Variants in HCN3 observed in about 807,000 individuals in gnomAD.
The protein encoded by HCN3 is potassium/sodium hyperpolarization-activated cyclic nucleotide-gated channel 3.
In HCN3, 36 loss-of-function variants were observed where a neutral mutation model predicts 56.8. The ratio of observed to expected loss-of-function variants is 0.63; its 90% CI spans 0.49 to 0.84. The LOEUF (loss-of-function observed/expected upper bound fraction) is 0.84. Among genes scored for constraint, HCN3 ranks in the 40% least tolerant of loss-of-function variants. The pLI is 0.00. For missense variants in HCN3, 930 were observed against 1,079.3 expected (o/e 0.86, Z 1.94); for synonymous variants, 425 against 439.7 (o/e 0.97, Z 0.42).
chr1:155,283,071 G>T (rs1282091771), intron 2 of HCN3, among the ~76,000 whole-genome samples: 1 of 152,146 alleles, frequency 6.6e-6, no homozygotes, highest in Non-Finnish European at 1.5e-5. Context: ...GAAGATGGTG[G>T]CACAGGAGGG....
At chr1:155,279,874 A>T (rs1404421169) in intron 1 of HCN3, among the ~76,000 whole-genome samples, 2 of 152,058 alleles carry the variant, frequency 1.3e-5, no homozygotes, top group African/African-American at 2.4e-5. Context: ...AGCAATGGTG[A>T]GGTAAATGAT....
At position 155,277,505 on chromosome 1, in the gene HCN3, C is replaced by T; in HGVS notation, c.-86C>T. 7.0e-7 allele frequency: 1 copy of T among 1,429,462 alleles called. No individual in the cohort carries two copies. Among genetic ancestry groups the T allele is most frequent in the South Asian group, 1.4e-5 (1 of 70,824 alleles). The allele number at this position is 1,429,462 out of a possible 1,614,324, so 88.5% of individuals were successfully genotyped here. On this transcript the variant is annotated 5_prime_UTR_variant, in exon 1 of 8. Coordinates refer to ENST00000368358, the MANE Select transcript of HCN3 (RefSeq NM_020897.3). ...GCCTCCGCTAGAGCCCGCGGGGCTG[C>T]GCCGACTCCTGCTCTGGAGGGGTTG... is the stretch of plus-strand genomic sequence containing the variant.
Position 155,285,425 on chromosome 1 carries a change from C to A in HCN3, c.1236+114C>A. The A allele has an allele frequency of 2.9e-6, 4 of 1,385,110 alleles. No homozygotes were observed. The South Asian group carries it at 5.7e-5, about 20-fold the overall frequency. 85.8% of individuals were successfully genotyped at this position (1,385,110 alleles called of 1,614,324 possible). On this transcript the variant is annotated intron_variant, in intron 5 of 7. Transcript: ENST00000368358. This position sits in a 1 kb window ranked among gnomAD's most constrained non-coding sequence, Gnocchi z 4.5. ...ATAGGGAATGAGGCCTGCAGAGGGC[C>A]CCGTGGGAGGCCAGGTATTTGGGCT...
Position 155,282,563 on chromosome 1 carries a change from A to G in HCN3, c.431A>G (p.Asn144Ser), listed in dbSNP as rs1172005432. The change falls in exon 2 of 8, where the codon AAC becomes AGC. Residue 144 changes from asparagine to serine, a missense_variant. Asn to Ser is a conservative substitution (Grantham distance 46, BLOSUM62 1). Transcript: ENST00000368358. The surrounding 1 kb of genome is among the most constrained non-coding windows in gnomAD (Gnocchi z 4.7). Reference sequence around the variant, plus strand: ...TTCTTCCTACTGGATCTGGTGCTCAACTTCCGAACGGGCATCGTGGTGGAG... The same window carrying G: ...TTCTTCCTACTGGATCTGGTGCTCAGCTTCCGAACGGGCATCGTGGTGGAG... ...DTFFLLDLVL[N>S]FRTGIVVEEG... 3 of 1,614,228 alleles carry G rather than the reference A, an allele frequency of 1.9e-6. No individual in the cohort carries two copies. Among genetic ancestry groups the G allele is most frequent in the Admixed American group, 1.7e-5 (1 of 60,028 alleles).
At position 155,285,929 on chromosome 1, in the gene HCN3, G is replaced by A. The variant is rs765213576; in HGVS notation, c.1442G>A (p.Arg481Gln). The stretch of plus-strand genomic sequence containing the variant: ...CTCAGTGTGCTGGCCCGCGGCGCCC[G>A]GGACACACGCCTCACCGATGGATCC... The part of the protein sequence containing the change: ...GLLSVLARGA[R>Q]DTRLTDGSYF... The change falls in exon 6 of 8, where the codon CGG becomes CAG. Residue 481 changes from arginine to glutamine, a missense_variant. Coordinates refer to ENST00000368358, the MANE Select transcript of HCN3 (RefSeq NM_020897.3). The surrounding 1 kb of genome is among the most constrained non-coding windows in gnomAD (Gnocchi z 4.5). 54 of 1,603,872 alleles carry A rather than the reference G, an allele frequency of 3.4e-5. No individual in the cohort carries two copies. In the Admixed American group the frequency reaches 5.5e-4, roughly 16 times the overall value.
In HCN3 at chr1:155,288,225, C is replaced by T; in HGVS notation, c.2087C>T (p.Pro696Leu). The T allele has an allele frequency of 6.3e-7, 1 of 1,579,750 alleles. No homozygotes were observed. The change falls in exon 8 of 8, where the codon CCC becomes CTC. Residue 696 changes from proline to leucine, a missense_variant. Pro to Leu is a moderately conservative substitution (Grantham distance 98, BLOSUM62 -3). Transcript: ENST00000368358. The surrounding 1 kb of genome is among the most constrained non-coding windows in gnomAD (Gnocchi z 6.5). ...AGRSQVSLLG[P>L]PPGGGGRRLG... ...CGCTCCCAGGTCTCCCTGCTGGGTC[C>T]CCCTCCAGGAGGAGGTGGACGGCGG...
rs1263088276 is a variant in HCN3 at position 155,282,468 on chromosome 1, T to C, written c.336T>C (p.Pro112=). 1 of 1,614,260 alleles carries C rather than the reference T, an allele frequency of 6.2e-7. No individual in the cohort carries two copies. Among genetic ancestry groups the C allele is most frequent in the Non-Finnish European group, 8.5e-7 (1 of 1,180,050 alleles). The part of the protein sequence containing the change: ...LLMVGNLIVL[P]VGITFFKEEN... ...TGGTGGGGAACCTCATCGTCCTGCC[T>C]GTGGGCATCACCTTCTTCAAGGAGG... Residue 112 remains proline, a synonymous_variant, in exon 2 of 8, where the codon CCT becomes CCC. Transcript: ENST00000368358. This position sits in a 1 kb window ranked among gnomAD's most constrained non-coding sequence, Gnocchi z 4.7.
chr1:155,284,491 G>T lies in HCN3; in HGVS notation c.871-48G>T. 6.5e-7 allele frequency: 1 copy of T among 1,549,992 alleles called. No individual in the cohort carries two copies. On this transcript the variant is annotated intron_variant, in intron 3 of 7. Coordinates refer to ENST00000368358, the MANE Select transcript of HCN3 (RefSeq NM_020897.3). The surrounding 1 kb of genome is among the most constrained non-coding windows in gnomAD (Gnocchi z 4.3). ...AGGAAAAGGGGCAGGCAGAGAATGA[G>T]GCTCCGAGGGGCCCATGCCCAGCTC...
In HCN3 at chr1:155,285,880, A is replaced by T. The variant is rs1245611700; in HGVS notation, c.1393A>T (p.Met465Leu). ...VVREGSVGRK[M>L]YFIQHGLLSV... ...GCGTGAGGGCTCCGTGGGGAGGAAG[A>T]TGTACTTCATCCAGCATGGGCTGCT... The change falls in exon 6 of 8, where the codon ATG becomes TTG. Residue 465 changes from methionine to leucine, a missense_variant. By Grantham distance (15) the Met-to-Leu change is conservative. Coordinates refer to ENST00000368358, the MANE Select transcript of HCN3 (RefSeq NM_020897.3). The surrounding 1 kb of genome is among the most constrained non-coding windows in gnomAD (Gnocchi z 4.5). 1 of 1,614,074 alleles carries T rather than the reference A, an allele frequency of 6.2e-7. No individual in the cohort carries two copies. Among genetic ancestry groups the T allele is most frequent in the Admixed American group, 1.7e-5 (1 of 60,014 alleles).
chr1:155,281,839 C>T (rs773851357), intron 1 of HCN3, among the ~76,000 whole-genome samples: 12 of 152,228 alleles, frequency 7.9e-5, no homozygotes, highest in Non-Finnish European at 1.6e-4. Context: ...CTGGAGTACA[C>T]CTCAGCCTCC....
chr1:155,287,393 C>A, intron 7 of HCN3, 56 bp downstream of exon 7: 1 of 1,596,718 alleles, frequency 6.3e-7, no homozygotes, highest in Non-Finnish European at 8.6e-7. Flanking sequence ...CACCCCACCT[C>A]CAAAGCAAGG....
Position 155,287,302 on chromosome 1 carries a change from T to A in HCN3, c.1607T>A (p.Phe536Tyr). 1 of 1,614,002 alleles carries A rather than the reference T, an allele frequency of 6.2e-7. No homozygotes were observed. Among genetic ancestry groups the A allele is most frequent in the Non-Finnish European group, 8.5e-7 (1 of 1,179,928 alleles). Residue 536 changes from phenylalanine (F) to tyrosine (Y), a missense_variant, in exon 7 of 8, where the codon TTT becomes TAT. Transcript: ENST00000368358. The part of the protein sequence containing the change: ...LEEFPMMRRA[F>Y]ETVAMDRLLR... ...GAGTTCCCCATGATGCGCCGGGCCT[T>A]TGAGACTGTGGCCATGGATCGGCTG...
At chr1:155,281,607 G>A (rs760265555) in intron 1 of HCN3, among the ~76,000 whole-genome samples, 3 of 152,096 alleles carry the variant, frequency 2.0e-5, no homozygotes, top group Non-Finnish European at 4.4e-5. Flanking sequence ...GACCTCAGGT[G>A]ATCCGCCAGT....
intron 7 of HCN3, 101 bp downstream of exon 7, chr1:155,287,438 A>G: frequency 7.2e-7 from 1 of 1,380,014 alleles, no homozygotes; most frequent in Non-Finnish European, 1.0e-6. Flanking sequence ...TCATATCCCA[A>G]TCCATTCAGT....
intron 1 of HCN3, among the ~76,000 whole-genome samples, chr1:155,280,032 C>T (rs199941030): frequency 1.3e-5 from 2 of 151,960 alleles, no homozygotes; most frequent in East Asian, 1.9e-4. Flanking sequence ...CTGCAACCTC[C>T]GCCTCCCGGG....
At chr1:155,286,270 C>T (rs1171728074) in intron 6 of HCN3, among the ~76,000 whole-genome samples, 1 of 152,120 alleles carries the variant, frequency 6.6e-6, no homozygotes, top group African/African-American at 2.4e-5. Flanking sequence ...CTCACACTCC[C>T]GAGTAGCTGG....
chr1:155,277,611 G>C lies in HCN3; in HGVS notation c.21G>C (p.Pro7=), dbSNP rs1313225486. 1.3e-6 allele frequency: 2 copies of C among 1,557,386 alleles called. No homozygotes were observed. Among genetic ancestry groups the C allele is most frequent in the Non-Finnish European group, 1.7e-6 (2 of 1,151,884 alleles). ...GCGCCATGGAGGCAGAGCAGCGGCC[G>C]GCGGCGGGGGCCAGCGAAGGGGCGA... The part of the protein sequence containing the change: MEAEQR[P]AAGASEGATP... Residue 7 remains proline, a synonymous_variant, in exon 1 of 8, where the codon CCG becomes CCC. Transcript: ENST00000368358.
chr1:155,280,573 A>T (rs1313156026), intron 1 of HCN3, among the ~76,000 whole-genome samples: 1 of 150,540 alleles, frequency 6.6e-6, no homozygotes, highest in Non-Finnish European at 1.5e-5. Flanking sequence ...AGTAGCTGGG[A>T]CTACGGGCGC....
In HCN3 at chr1:155,289,490, G is replaced by C. The variant is rs1211486770; in HGVS notation, c.*1027G>C. 1 of 152,242 alleles carries C rather than the reference G, an allele frequency of 6.6e-6. No individual in the cohort carries two copies. Among genetic ancestry groups the C allele is most frequent in the African/African-American group, 2.4e-5 (1 of 41,430 alleles). The allele number at this position is 152,242 out of a possible 1,614,324, so 9.4% of individuals were successfully genotyped here. A position where few individuals can be genotyped will look rare whatever the true frequency, so the allele number is the denominator to read the frequency against. ...AGCGCAATACTTGAACCTTCTCCCAGGTAGGGGCAGGAGGAGCCACATGAG... is the reference window on the plus strand; with the variant it reads ...AGCGCAATACTTGAACCTTCTCCCACGTAGGGGCAGGAGGAGCCACATGAG... On this transcript the variant is annotated 3_prime_UTR_variant, in exon 8 of 8. Transcript: ENST00000368358.
Sources: gnomAD v4.1 joint callset for allele counts (sites outside exome capture counted in the v4.1 genomes callset) on GRCh38, gnomAD v4.1.1 for gene constraint, Gnocchi (gnomAD v3.1) non-coding constraint, MANE v1.5 for transcripts, NCBI Gene and HGNC (gene_info 2026-07-23, HGNC 2026-07-21) for gene names.